The following TAOK3 variants were observed in gnomAD, a reference collection of about 807,000 sequenced individuals.
TAOK3 encodes serine/threonine-protein kinase TAO3.
TAOK3 carries 40 observed loss-of-function variants against 120.4 expected under a neutral mutation model. The observed-to-expected ratio is 0.33, with a 90% CI of 0.26 to 0.43. The LOEUF is 0.43. Among genes scored for constraint, TAOK3 ranks in the 20% least tolerant of loss-of-function variants. The pLI, the probability that TAOK3 is intolerant of heterozygous loss-of-function variation, is 1.00. For synonymous variants in TAOK3, 355 were observed against 387.5 expected, an observed-to-expected ratio of 0.92 and a Z score of 0.99; for missense variants, 821 against 1,112.1, an observed-to-expected ratio of 0.74 and a Z score of 3.72.
chr12:118,279,522 C>A (rs1359263377), intron 1 of TAOK3, among the ~76,000 whole-genome samples: 1 of 150,954 alleles, frequency 6.6e-6, no homozygotes, highest in Non-Finnish European at 1.5e-5. Flanking sequence ...TCCTAGGTTA[C>A]CTTCCAGTGT....
intron 1 of TAOK3, among the ~76,000 whole-genome samples, chr12:118,342,925 CTCTG>C (rs2044679060): frequency 7.6e-6 from 1 of 132,262 alleles, no homozygotes; most frequent in Non-Finnish European, 1.6e-5. Flanking sequence ...CAGAGTAAGC[CTCTG>C]TCTGCTAAAA....
At chr12:118,359,513 C>A (rs1420388215) in intron 1 of TAOK3, 1 of 152,182 alleles carries the variant, frequency 6.6e-6, no homozygotes, top group Admixed American at 6.5e-5. Context: ...TACAGGAGGA[C>A]AACTCACCAT....
intron 1 of TAOK3, among the ~76,000 whole-genome samples, chr12:118,307,139 T>A: frequency 6.6e-6 from 1 of 152,170 alleles, no homozygotes; most frequent in East Asian, 1.9e-4. Flanking sequence ...TGCTGACACA[T>A]CTCTTGACCA....
intron 1 of TAOK3, among the ~76,000 whole-genome samples, chr12:118,368,173 A>C (rs1215733169): frequency 2.0e-5 from 3 of 152,182 alleles, no homozygotes. Context: ...CGGAACTGTA[A>C]GGCTCCATCT....
At chr12:118,263,909 T>C (rs2041335482) in intron 2 of TAOK3, among the ~76,000 whole-genome samples, 2 of 152,140 alleles carry the variant, frequency 1.3e-5, no homozygotes, top group Admixed American at 1.3e-4. Flanking sequence ...CTACTAATAA[T>C]ACATAAATTA....
At chr12:118,324,807 C>T (rs1329853356) in intron 1 of TAOK3, among the ~76,000 whole-genome samples, 3 of 135,250 alleles carry the variant, frequency 2.2e-5, no homozygotes, top group Non-Finnish European at 4.6e-5. Flanking sequence ...TGCAGTGGCG[C>T]GATCTCGGCT....
intron 2 of TAOK3, among the ~76,000 whole-genome samples, chr12:118,257,487 T>G (rs2041038839): frequency 6.6e-6 from 1 of 152,282 alleles, no homozygotes; most frequent in South Asian, 2.1e-4. Flanking sequence ...TATTTTTCAT[T>G]TTAAATAACC....
At position 118,238,069 on chromosome 12, in the gene TAOK3, T is replaced by C; in HGVS notation, c.437+4A>G. On this transcript the variant is annotated splice_donor_region_variant and intron_variant, in intron 7 of 20. Transcript: ENST00000392533. ...AAAGAAACATAACTGGTCTCTAATC[T>C]TACCTATGAATCAATGCATGAGAAT... 1 of 1,576,890 alleles carries C rather than the reference T, an allele frequency of 6.3e-7. No homozygotes were observed. Among genetic ancestry groups the C allele is most frequent in the Non-Finnish European group, 8.7e-7 (1 of 1,150,938 alleles).
At chr12:118,363,018 CAAAAAAAAAAAAAAAA>C (rs60475060) in intron 1 of TAOK3, among the ~76,000 whole-genome samples, 1 of 45,862 alleles carries the variant, frequency 2.2e-5, no homozygotes, top group African/African-American at 8.6e-5. Context: ...GACTCCGTAT[CAAAAAAAAAAAAAAAA>C]AAAAAAAAAA....
At chr12:118,186,847 T>A (rs1266361761) in intron 14 of TAOK3, among the ~76,000 whole-genome samples, 1 of 152,190 alleles carries the variant, frequency 6.6e-6, no homozygotes, top group African/African-American at 2.4e-5. Flanking sequence ...TGTGCAGCAG[T>A]GCATAATACA....
intron 13 of TAOK3, among the ~76,000 whole-genome samples, chr12:118,193,974 T>C (rs914474818): frequency 6.6e-6 from 1 of 152,228 alleles, no homozygotes; most frequent in East Asian, 1.9e-4. Flanking sequence ...CAGTAAATGT[T>C]TGCTGAATAA....
At chr12:118,201,207 A>G in intron 12 of TAOK3, 89 bp downstream of exon 12, 4 of 1,235,650 alleles carry the variant, frequency 3.2e-6, no homozygotes, top group Non-Finnish European at 4.5e-6. Flanking sequence ...ATTAATTTTT[A>G]TCTTCAAAAG....
In TAOK3 at chr12:118,371,754, C is replaced by A. The variant is rs1566187727; in HGVS notation, c.-194+894G>T. Among the ~76,000 whole-genome samples, 2 of 152,092 alleles carry A rather than the reference C, an allele frequency of 1.3e-5. No homozygotes were observed. Among genetic ancestry groups the A allele is most frequent in the Non-Finnish European group, 2.9e-5 (2 of 67,988 alleles). On this transcript the variant is annotated intron_variant, in intron 1 of 20. Coordinates refer to ENST00000392533, the MANE Select transcript of TAOK3 (RefSeq NM_016281.4). The surrounding 1 kb of genome is among the most constrained non-coding windows in gnomAD (Gnocchi z 5.5). ...TCCCTCGCTGCTCACGCCGGGCCCC[C>A]GCTATGTGACTGGGGGCCCGACCCG... is the stretch of plus-strand genomic sequence containing the variant.
chr12:118,334,718 T>C (rs1368135155), intron 1 of TAOK3, among the ~76,000 whole-genome samples: 1 of 145,052 alleles, frequency 6.9e-6, no homozygotes, highest in Non-Finnish European at 1.5e-5. Flanking sequence ...CTACTAAACA[T>C]ACAAAAAATT....
chr12:118,176,296 A>C (rs2138753740), intron 16 of TAOK3, among the ~76,000 whole-genome samples: 1 of 152,114 alleles, frequency 6.6e-6, no homozygotes, highest in South Asian at 2.1e-4. Context: ...AATTTGAGGA[A>C]CTGAAAGGTG....
intron 1 of TAOK3, among the ~76,000 whole-genome samples, chr12:118,366,827 C>G (rs1399390784): frequency 6.6e-6 from 1 of 152,156 alleles, no homozygotes; most frequent in Non-Finnish European, 1.5e-5. Context: ...TGGTGGCTCA[C>G]GCTTGTAGTC....
At chr12:118,327,536 G>C (rs1408862910) in intron 1 of TAOK3, among the ~76,000 whole-genome samples, 1 of 152,116 alleles carries the variant, frequency 6.6e-6, no homozygotes, top group African/African-American at 2.4e-5. Flanking sequence ...AAGCTATTTT[G>C]ATCTTTTGCC....
chr12:118,286,808 G>A (rs1322874662), intron 1 of TAOK3, among the ~76,000 whole-genome samples: 1 of 152,120 alleles, frequency 6.6e-6, no homozygotes, highest in African/African-American at 2.4e-5. Context: ...ACAAAAATGT[G>A]GAACCAATCC....
chr12:118,157,170 G>C (rs1037843395), intron 19 of TAOK3, among the ~76,000 whole-genome samples: 1 of 151,836 alleles, frequency 6.6e-6, no homozygotes, highest in East Asian at 1.9e-4. Flanking sequence ...CCTTCATCCC[G>C]ACTGCCCCTT....
Sources: gnomAD v4.1 joint callset for allele counts (sites outside exome capture counted in the v4.1 genomes callset) on GRCh38, gnomAD v4.1.1 for gene constraint, Gnocchi (gnomAD v3.1) non-coding constraint, MANE v1.5 for transcripts, NCBI Gene and HGNC (gene_info 2026-07-23, HGNC 2026-07-21) for gene names.